Variants in MYH9 observed in about 807,000 individuals in gnomAD.
The protein encoded by MYH9 is myosin-9.
Under a neutral mutation model 241.9 loss-of-function variants are expected in MYH9, and 29 were observed. That is an observed-to-expected ratio of 0.12 (90% CI 0.09 to 0.16). The LOEUF (loss-of-function observed/expected upper bound fraction) is 0.16, where lower values mean the gene tolerates loss of function less well. MYH9 is among the 10% of genes least tolerant of loss of function. The pLI, the probability that MYH9 is intolerant of heterozygous loss-of-function variation, is 1.00. For synonymous variants in MYH9, 1,047 were observed against 1,062.6 expected (o/e 0.99, Z 0.29); for missense variants, 1,803 against 2,595.5 (o/e 0.69, Z 6.63).
chr22:36,336,496 C>T (rs1334988847), intron 3 of MYH9, among the ~76,000 whole-genome samples: 1 of 152,294 alleles, frequency 6.6e-6, no homozygotes, highest in East Asian at 1.9e-4. Flanking sequence ...CGTTTACGCT[C>T]TCTCACTCTC....
rs1203853714 is a variant in MYH9, at chr22:36,281,352, C to T, written c.*1316G>A. ...AACCAGCTTACTGTAGTGGTGACAG[C>T]TGCAACACATGCTAAGGCACTTTTA... On this transcript the variant is annotated 3_prime_UTR_variant, in exon 41 of 41. Transcript: ENST00000216181. 1 of 219,404 alleles carries T rather than the reference C, an allele frequency of 4.6e-6. No homozygotes were observed. The highest frequency in any genetic ancestry group is 9.2e-6 in the Non-Finnish European group (1 of 109,140). The allele number at this position is 219,404 out of a possible 1,614,324, so 13.6% of individuals were successfully genotyped here. A position where few individuals can be genotyped will look rare whatever the true frequency, so the allele number is the denominator to read the frequency against.
At chr22:36,333,776 G>C (rs1217669727) in intron 3 of MYH9, among the ~76,000 whole-genome samples, 1 of 152,124 alleles carries the variant, frequency 6.6e-6, no homozygotes, top group Non-Finnish European at 1.5e-5. Flanking sequence ...TGACAAACTG[G>C]GACACAGTTC....
intron 7 of MYH9, 24 bp downstream of exon 7, chr22:36,321,732 CTT>C: frequency 6.2e-7 from 1 of 1,609,260 alleles, no homozygotes; most frequent in South Asian, 1.1e-5. Context: ...ATCCAGGACT[CTT>C]ATCCCAACGA....
intron 15 of MYH9, among the ~76,000 whole-genome samples, chr22:36,307,207 TC>T (rs1393796447): frequency 6.6e-6 from 1 of 152,166 alleles, no homozygotes; most frequent in Non-Finnish European, 1.5e-5. Flanking sequence ...TTATAAATAC[TC>T]CAAAGTTTAG....
chr22:36,307,810 C>G lies in MYH9; in HGVS notation c.1844-1203G>C, dbSNP rs1023152060. 2.0e-5 allele frequency among the ~76,000 whole-genome samples: 3 copies of G among 151,966 alleles called. No homozygotes were observed. The East Asian group carries it at 5.8e-4, about 29-fold the overall frequency. ...GGCTGAGGCAGGAGAATCACTTGAA[C>G]CCAGGAGGCGGAGGTTGCAGTGAGC... On this transcript the variant is annotated intron_variant, in intron 15 of 40. Coordinates refer to ENST00000216181, the MANE Select transcript of MYH9 (RefSeq NM_002473.6).
Position 36,305,988 on chromosome 22 carries a change from T to C in MYH9, c.2101A>G (p.Ile701Val). ...QLRCNGVLEG[I>V]RICRQGFPNR... ...GGGAAGCCCTGGCGGCAGATACGGA[T>C]GCCCTCGAGAACACCGTTGCAGCGC... Residue 701 changes from isoleucine (I) to valine (V), a missense_variant, in exon 17 of 41, where the codon ATC becomes GTC. Around this residue, in one of 11 missense-constraint regions of MYH9, gnomAD observed 163 missense variants for 349.7 expected, o/e 0.47. Coordinates refer to ENST00000216181, the MANE Select transcript of MYH9 (RefSeq NM_002473.6). This position sits in a 1 kb window ranked among gnomAD's most constrained non-coding sequence, Gnocchi z 4.7. 6.2e-7 allele frequency: 1 copy of C among 1,613,514 alleles called. No homozygotes were observed. Among genetic ancestry groups the C allele is most frequent in the Non-Finnish European group, 8.5e-7 (1 of 1,180,022 alleles).
chr22:36,360,442 A>T (rs1337994725), intron 1 of MYH9, among the ~76,000 whole-genome samples: 3 of 152,130 alleles, frequency 2.0e-5, no homozygotes, highest in Non-Finnish European at 4.4e-5. Context: ...GGCCGGGCAC[A>T]GTGGCTCACA....
At position 36,292,081 on chromosome 22, in the gene MYH9, G is replaced by A. The variant is rs1394231995; in HGVS notation, c.4249C>T (p.Arg1417Trp). ...AGGTCGTCCAGCTCCTGCTGCAGCC[G>A]CGTCTTGGTCTTCTCCAGCTTGTCG... is the stretch of plus-strand genomic sequence containing the variant. ...AYDKLEKTKT[R>W]LQQELDDLLV... The change falls in exon 31 of 41, where the codon CGG becomes TGG. Residue 1417 changes from arginine to tryptophan, a missense_variant. Around this residue, in one of 11 missense-constraint regions of MYH9, gnomAD observed 876 missense variants for 1,077.8 expected, o/e 0.81. Coordinates refer to ENST00000216181, the MANE Select transcript of MYH9 (RefSeq NM_002473.6). The A allele has an allele frequency of 2.5e-6, 4 of 1,614,150 alleles. No individual in the cohort carries two copies. Among genetic ancestry groups the A allele is most frequent in the East Asian group, 2.2e-5 (1 of 44,884 alleles).
At chr22:36,340,398 C>T (rs186148607) in intron 3 of MYH9, among the ~76,000 whole-genome samples, 106 of 151,976 alleles carry the variant, frequency 7.0e-4, no homozygotes, top group Admixed American at 1.2e-3. Flanking sequence ...CGGTGGCTCA[C>T]GCCTGTAATC....
At chr22:36,284,031 G>A in intron 40 of MYH9, 62 bp downstream of exon 40, 5 of 1,595,562 alleles carry the variant, frequency 3.1e-6, no homozygotes, top group Non-Finnish European at 4.3e-6. Context: ...CTCTGGTTGA[G>A]GAACAAGCTA....
chr22:36,327,517 C>G, intron 3 of MYH9, 29 bp from the exon 4 acceptor site: 1 of 1,613,770 alleles, frequency 6.2e-7, no homozygotes, highest in Non-Finnish European at 8.5e-7. Flanking sequence ...CAGATTAACT[C>G]CCGCCAGATG....
At position 36,333,765 on chromosome 22, in the gene MYH9, C is replaced by G. The variant is rs149090851; in HGVS notation, c.491-6277G>C. Reference sequence around the variant, plus strand: ...TCTCTGAACACACTGTTGTTCAGCCCTGACAAACTGGGACACAGTTCAACT... The same window carrying G: ...TCTCTGAACACACTGTTGTTCAGCCGTGACAAACTGGGACACAGTTCAACT... On this transcript the variant is annotated intron_variant, in intron 3 of 40. Coordinates refer to ENST00000216181, the MANE Select transcript of MYH9 (RefSeq NM_002473.6). 5.6e-3 allele frequency among the ~76,000 whole-genome samples: 856 copies of G among 152,254 alleles called. 4 individuals are homozygous for G. Among genetic ancestry groups the G allele is most frequent in the Non-Finnish European group, 6.9e-3 (472 of 68,024 alleles).
intron 1 of MYH9, among the ~76,000 whole-genome samples, chr22:36,372,588 T>C (rs1371670785): frequency 6.7e-6 from 1 of 149,652 alleles, no homozygotes; most frequent in Admixed American, 6.7e-5. Flanking sequence ...TCATGGGAGG[T>C]ATTAAGGACT....
intron 1 of MYH9, among the ~76,000 whole-genome samples, chr22:36,380,744 AAAAAGAAAAGAAAAG>A (rs150377619): frequency 6.6e-6 from 1 of 151,506 alleles, no homozygotes; most frequent in South Asian, 2.1e-4. Context: ...CTGTCTCCAA[AAAAAGAAAAGAAAAG>A]AAAAGAAAAG....
rs369372955 is a variant in MYH9 at position 36,314,063 on chromosome 22, C to T, written c.1554+82G>A. ...GGAGTTAAGACACCTCCACAACCAA[C>T]ACAGAGCTGAGGTGAGGAGCGGGTG... is the stretch of plus-strand genomic sequence containing the variant. On this transcript the variant is annotated intron_variant, in intron 13 of 40. Coordinates refer to ENST00000216181, the MANE Select transcript of MYH9 (RefSeq NM_002473.6). 4.4e-5 allele frequency: 66 copies of T among 1,512,906 alleles called. 1 individual carries two copies. The highest frequency in any genetic ancestry group is 3.7e-4 in the South Asian group (33 of 88,630). The allele number at this position is 1,512,906 out of a possible 1,614,324, so 93.7% of individuals were successfully genotyped here. A position where few individuals can be genotyped will look rare whatever the true frequency, so the allele number is the denominator to read the frequency against.
Position 36,320,573 on chromosome 22 carries a change from G to A in MYH9, c.869-210C>T, listed in dbSNP as rs552456820. ...CTGGCCCAGGAGAGCGCCAGGTCCT[G>A]TGATTTGCAGCTACATGTGCAACCC... On this transcript the variant is annotated intron_variant, in intron 8 of 40. Transcript: ENST00000216181. This position sits in a 1 kb window ranked among gnomAD's most constrained non-coding sequence, Gnocchi z 4.8. Among the ~76,000 whole-genome samples, 10 of 152,190 alleles carry A rather than the reference G, an allele frequency of 6.6e-5. No homozygotes were observed. The highest frequency in any genetic ancestry group is 8.8e-5 in the Non-Finnish European group (6 of 68,026).
chr22:36,303,953 C>T, intron 19 of MYH9, 42 bp downstream of exon 19: 1 of 1,609,656 alleles, frequency 6.2e-7, no homozygotes, highest in African/African-American at 1.3e-5. Context: ...AAGGGCGTGG[C>T]AAGGCCTGGC....
intron 1 of MYH9, among the ~76,000 whole-genome samples, chr22:36,387,229 G>A (rs1287087270): frequency 6.6e-6 from 1 of 152,228 alleles, no homozygotes; most frequent in Non-Finnish European, 1.5e-5. Flanking sequence ...CCGCGGAGGC[G>A]GAAACCGGGC....
Position 36,282,055 on chromosome 22 carries a change from T to C in MYH9, c.*613A>G, listed in dbSNP as rs1423532566. ...GACAGTGGCGCTGCCTGGGACAGGGTGGGGAGGAATCCACTCCTCCCCCCA... is the reference window on the plus strand; with the variant it reads ...GACAGTGGCGCTGCCTGGGACAGGGCGGGGAGGAATCCACTCCTCCCCCCA... On this transcript the variant is annotated 3_prime_UTR_variant, in exon 41 of 41. Coordinates refer to ENST00000216181, the MANE Select transcript of MYH9 (RefSeq NM_002473.6). The C allele has an allele frequency of 4.2e-6, 1 of 235,554 alleles. No homozygotes were observed. The highest frequency in any genetic ancestry group is 6.1e-5 in the East Asian group (1 of 16,502). The allele number at this position is 235,554 out of a possible 1,614,324, so 14.6% of individuals were successfully genotyped here. A position where few individuals can be genotyped will look rare whatever the true frequency, so the allele number is the denominator to read the frequency against.
Sources: allele counts gnomAD v4.1 joint callset (sites outside exome capture counted in the v4.1 genomes callset), GRCh38; gene constraint gnomAD v4.1.1; regional missense constraint gnomAD v4.1.1; non-coding constraint Gnocchi (gnomAD v3.1); transcripts MANE v1.5; gene names NCBI Gene and HGNC (gene_info 2026-07-23, HGNC 2026-07-21).